Variants in RARB observed in about 807,000 individuals in gnomAD.
The protein encoded by RARB is HBV-activated protein.
Under a neutral mutation model 51.9 loss-of-function variants are expected in RARB, and 17 were observed. The observed-to-expected ratio is 0.33, with a 90% CI of 0.22 to 0.49. The LOEUF (loss-of-function observed/expected upper bound fraction) is 0.49. RARB is among the 20% of genes least tolerant of loss of function. RARB has a pLI of 0.99. For synonymous variants in RARB, 215 were observed against 195.4 expected, an observed-to-expected ratio of 1.10 and a Z score of -0.84; for missense variants, 369 against 550.8, an observed-to-expected ratio of 0.67 and a Z score of 3.30.
At chr3:25,191,694 A>G (rs534177040) in intron 5 of RARB, among the ~76,000 whole-genome samples, 22 of 152,236 alleles carry the variant, frequency 1.4e-4, no homozygotes, top group Non-Finnish European at 2.9e-4. Context: ...TCTTCCATCT[A>G]TGCAAGGATT....
chr3:24,934,612 T>C (rs1695512073), intron 2 of RARB, among the ~76,000 whole-genome samples: 1 of 152,144 alleles, frequency 6.6e-6, no homozygotes, highest in South Asian at 2.1e-4. Flanking sequence ...ACACTGCTTA[T>C]ACTGTAGCTA....
At chr3:25,320,370 C>A (rs535051385) in intron 5 of RARB, among the ~76,000 whole-genome samples, 1 of 152,178 alleles carries the variant, frequency 6.6e-6, no homozygotes, top group South Asian at 2.1e-4. Context: ...ACTTTCACAC[C>A]AGCTTCAGAT....
intron 2 of RARB, among the ~76,000 whole-genome samples, chr3:24,907,284 C>A (rs1559391069): frequency 2.0e-5 from 3 of 152,150 alleles, no homozygotes; most frequent in Non-Finnish European, 4.4e-5. Context: ...CTCCAGTGAT[C>A]TGATGTAATA....
At chr3:25,178,144 G>T (rs1700792925) in intron 5 of RARB, among the ~76,000 whole-genome samples, 1 of 151,772 alleles carries the variant, frequency 6.6e-6, no homozygotes, top group Admixed American at 6.6e-5. Context: ...CTTTTCCGAA[G>T]GTCTGTTCTC....
At chr3:25,330,995 C>A (rs1461675047) in intron 5 of RARB, among the ~76,000 whole-genome samples, 3 of 152,126 alleles carry the variant, frequency 2.0e-5, no homozygotes, top group Non-Finnish European at 2.9e-5. Flanking sequence ...TATATATGCA[C>A]CCAATACAGG....
At chr3:25,034,705 C>T (rs13059739) in intron 2 of RARB, among the ~76,000 whole-genome samples, 2,863 of 152,134 alleles carry the variant, frequency 0.019, 78 homozygotes, top group African/African-American at 0.066. Flanking sequence ...AGCCAAACAT[C>T]AGTAAAAAAC....
chr3:25,203,142 A>G (rs1701440638), intron 5 of RARB, among the ~76,000 whole-genome samples: 2 of 152,154 alleles, frequency 1.3e-5, no homozygotes, highest in Admixed American at 6.6e-5. Flanking sequence ...TATATTTAGG[A>G]TAGTTAGCTC....
intron 5 of RARB, among the ~76,000 whole-genome samples, chr3:25,274,271 G>A (rs1240654837): frequency 6.6e-6 from 1 of 152,132 alleles, no homozygotes; most frequent in African/African-American, 2.4e-5. Context: ...AAAATCCAGT[G>A]TGTATTTATA....
At chr3:25,393,313 A>T (rs1412193873) in intron 5 of RARB, among the ~76,000 whole-genome samples, 1 of 149,510 alleles carries the variant, frequency 6.7e-6, no homozygotes, top group Non-Finnish European at 1.5e-5. Context: ...TTCTTTGAGG[A>T]TTTTTGTGTC....
chr3:25,583,747 G>A (rs1701278047), intron 5 of RARB, among the ~76,000 whole-genome samples: 1 of 152,334 alleles, frequency 6.6e-6, no homozygotes, highest in Admixed American at 6.5e-5. Flanking sequence ...CTTCCTTCAC[G>A]AGGTTGGGTC....
At chr3:25,461,573 C>T (rs1002253674) in intron 2 of RARB, among the ~76,000 whole-genome samples, 1 of 152,062 alleles carries the variant, frequency 6.6e-6, no homozygotes, top group South Asian at 2.1e-4. Context: ...CTTAAATTAC[C>T]CCCACATAAT....
intron 5 of RARB, among the ~76,000 whole-genome samples, chr3:25,376,031 T>C (rs1202327117): frequency 6.6e-6 from 1 of 152,226 alleles, no homozygotes; most frequent in Non-Finnish European, 1.5e-5. Flanking sequence ...CACGTAGAGC[T>C]CTTAAAACCA....
intron 2 of RARB, among the ~76,000 whole-genome samples, chr3:25,494,858 A>G (rs1276955722): frequency 6.6e-6 from 1 of 152,214 alleles, no homozygotes; most frequent in African/African-American, 2.4e-5. Context: ...GAAAAAACTG[A>G]GGAAAGAAGT....
At chr3:25,442,035 T>C (rs1260208641) in intron 1 of RARB, among the ~76,000 whole-genome samples, 1 of 152,226 alleles carries the variant, frequency 6.6e-6, no homozygotes, top group Admixed American at 6.5e-5. Context: ...TCTAATATCA[T>C]AGTCGCTAGC....
chr3:25,342,307 T>C (rs1289070332), intron 5 of RARB, among the ~76,000 whole-genome samples: 1 of 152,240 alleles, frequency 6.6e-6, no homozygotes, highest in Non-Finnish European at 1.5e-5. Flanking sequence ...CTTATTGCAG[T>C]ATTTCAGCAT....
chr3:25,441,414 C>T (rs1708677212), intron 1 of RARB: 2 of 200,734 alleles, frequency 1.0e-5, no homozygotes, highest in South Asian at 1.6e-4. Flanking sequence ...AGGCCTGTAA[C>T]AATGAGGTTT....
At chr3:25,473,940 T>C (rs1281582042) in intron 2 of RARB, among the ~76,000 whole-genome samples, 3 of 20,098 alleles carry the variant, frequency 1.5e-4, no homozygotes, top group South Asian at 1.7e-3. Flanking sequence ...AAAACCTTTA[T>C]CTTGGCTGCA....
chr3:25,250,837 TCA>T (rs1445065135), intron 5 of RARB, among the ~76,000 whole-genome samples: 2 of 152,148 alleles, frequency 1.3e-5, no homozygotes, highest in East Asian at 3.9e-4. Flanking sequence ...GTCTCAGGAC[TCA>T]CAAGGGTTAA....
chr3:25,453,050 G>A (rs1437000639), intron 1 of RARB, among the ~76,000 whole-genome samples: 2 of 152,180 alleles, frequency 1.3e-5, no homozygotes, highest in African/African-American at 4.8e-5. Context: ...GTAAGGACCT[G>A]TGCAAAGGGC....
Sources: allele counts gnomAD v4.1 joint callset (sites outside exome capture counted in the v4.1 genomes callset), GRCh38; gene constraint gnomAD v4.1.1; transcripts MANE v1.5; gene names NCBI Gene and HGNC (gene_info 2026-07-23, HGNC 2026-07-21).